NBAS: variants seen among roughly 807,000 people sequenced by gnomAD.
The protein encoded by NBAS is NBAS subunit of NRZ tethering complex, also known as NAG/BC035112 fusion.
A neutral mutation model predicts 302.5 loss-of-function variants in NBAS; 219 were observed. The observed-to-expected ratio is 0.72, with a 90% CI of 0.65 to 0.81. The LOEUF is 0.81. Ranked by LOEUF, NBAS falls within the 30% of genes least tolerant of loss-of-function variation. NBAS has a pLI of 0.00. For missense variants in NBAS, 2,932 were observed against 2,841.6 expected (o/e 1.03, Z -0.72); for synonymous variants, 1,118 against 1,021.6 (o/e 1.09, Z -1.80).
chr2:15,143,009 G>T, the NBAS span, among the ~76,000 whole-genome samples: 1 of 152,162 alleles, frequency 6.6e-6, no homozygotes, highest in African/African-American at 2.4e-5. Context: ...AAACAAACTG[G>T]TCCGTGCAGT....
the NBAS span, among the ~76,000 whole-genome samples, chr2:15,085,712 T>C: frequency 6.6e-6 from 1 of 152,160 alleles, no homozygotes; most frequent in African/African-American, 2.4e-5. Flanking sequence ...CCCATGCTCT[T>C]GTATGCTCAG....
the NBAS span, among the ~76,000 whole-genome samples, chr2:15,024,693 T>A: frequency 6.6e-6 from 1 of 152,214 alleles, no homozygotes; most frequent in Non-Finnish European, 1.5e-5. Context: ...CTCATTGTGT[T>A]TGATTTGCAT....
At chr2:14,855,063 T>C in the NBAS span, among the ~76,000 whole-genome samples, 3 of 151,990 alleles carry the variant, frequency 2.0e-5, no homozygotes, top group African/African-American at 7.3e-5. Flanking sequence ...AACTTTGTCT[T>C]GTATCCAGGA....
Position 15,561,271 on chromosome 2 carries a change from G to C in NBAS, c.34C>G (p.Pro12Ala), listed in dbSNP as rs139921229. The C allele has an allele frequency of 1.2e-6, 2 of 1,613,682 alleles. No homozygotes were observed. Among genetic ancestry groups the C allele is most frequent in the Non-Finnish European group, 1.7e-6 (2 of 1,180,044 alleles). ...AAPESGPALS[P>A]GTAEGEEETI... ...TCCTCCTCACCCTCTGCAGTGCCTG[G>C]ACTCAAAGCCGGCCCTGACTCGGGG... Residue 12 changes from proline (P) to alanine (A), a missense_variant, in exon 1 of 52, where the codon CCA becomes GCA. Coordinates refer to ENST00000281513, the MANE Select transcript of NBAS (RefSeq NM_015909.4).
chr2:15,057,215 C>G, the NBAS span, among the ~76,000 whole-genome samples: 11,051 of 151,224 alleles, frequency 0.073, 504 homozygotes, highest in East Asian at 0.21. Flanking sequence ...GGCAGCCTTA[C>G]AGAAACAGCT....
intron 23 of NBAS, among the ~76,000 whole-genome samples, chr2:15,422,627 G>A (rs553323884): frequency 6.6e-6 from 1 of 151,058 alleles, no homozygotes; most frequent in South Asian, 2.1e-4. Flanking sequence ...ACTGAATAAT[G>A]TTTGAAATTT....
intron 19 of NBAS, among the ~76,000 whole-genome samples, chr2:15,464,874 T>C (rs1679655313): frequency 6.6e-6 from 1 of 152,326 alleles, no homozygotes; most frequent in East Asian, 1.9e-4. Context: ...CTAGCTTACT[T>C]ACTCAACAGC....
At chr2:15,383,690 G>C (rs527610376) in intron 28 of NBAS, among the ~76,000 whole-genome samples, 24 of 152,346 alleles carry the variant, frequency 1.6e-4, no homozygotes, top group Middle Eastern at 3.4e-3. Context: ...GATGACAGAG[G>C]TTGGTTTCAA....
chr2:15,304,611 G>A (rs1054199525), intron 40 of NBAS, among the ~76,000 whole-genome samples: 11 of 152,220 alleles, frequency 7.2e-5, no homozygotes, highest in African/African-American at 2.2e-4. Context: ...CCAAAATGCT[G>A]ATAGTGATAC....
At chr2:15,175,094 G>A (rs897943694) in intron 51 of NBAS, among the ~76,000 whole-genome samples, 1 of 152,090 alleles carries the variant, frequency 6.6e-6, no homozygotes, top group Non-Finnish European at 1.5e-5. Context: ...AGACTCCCGA[G>A]TAGCTGGGAC....
chr2:14,957,896 A>G, the NBAS span, among the ~76,000 whole-genome samples: 10 of 152,220 alleles, frequency 6.6e-5, no homozygotes, highest in South Asian at 2.1e-3. Context: ...GCATAGCAAC[A>G]TTTGGGGACA....
At chr2:15,036,847 T>G in the NBAS span, among the ~76,000 whole-genome samples, 121,522 of 151,590 alleles carry the variant, frequency 0.8, 49,223 homozygotes, top group East Asian at 1. Context: ...AGCACACAGC[T>G]GGCAGATGTA....
the NBAS span, among the ~76,000 whole-genome samples, chr2:15,080,253 G>A: frequency 2.0e-4 from 30 of 152,124 alleles, no homozygotes; most frequent in Admixed American, 3.9e-4. Flanking sequence ...ATGGTCAATT[G>A]TGCCCCTTTA....
chr2:15,100,773 AG>A, the NBAS span, among the ~76,000 whole-genome samples: 803 of 152,360 alleles, frequency 5.3e-3, 8 homozygotes, highest in African/African-American at 0.019. Flanking sequence ...TGTATCGAAG[AG>A]CATTTTTAAA....
the NBAS span, among the ~76,000 whole-genome samples, chr2:14,849,519 C>G: frequency 6.6e-6 from 1 of 151,608 alleles, no homozygotes; most frequent in Non-Finnish European, 1.5e-5. Flanking sequence ...GGATATTATC[C>G]AGGAGAACTT....
chr2:15,098,375 T>TGTATACTATATATC, the NBAS span, among the ~76,000 whole-genome samples: 29 of 8,718 alleles, frequency 3.3e-3, 10 homozygotes, highest in African/African-American at 0.012. Context: ...TATAATATAT[T>TGTATACTATATATC]ATATATGATA....
At chr2:15,229,253 A>C (rs561574548) in intron 47 of NBAS, among the ~76,000 whole-genome samples, 1 of 150,346 alleles carries the variant, frequency 6.7e-6, no homozygotes, top group African/African-American at 2.4e-5. Context: ...GAGGCAGGAG[A>C]ATCACTTGAA....
intron 41 of NBAS, among the ~76,000 whole-genome samples, chr2:15,291,889 G>A (rs933821985): frequency 6.6e-6 from 1 of 151,966 alleles, no homozygotes; most frequent in Non-Finnish European, 1.5e-5. Context: ...CTCTAACATG[G>A]TCATAATCTT....
chr2:15,485,714 T>C (rs746725652), intron 12 of NBAS, among the ~76,000 whole-genome samples: 2 of 152,184 alleles, frequency 1.3e-5, no homozygotes, highest in Non-Finnish European at 2.9e-5. Context: ...AGAGTGTCTG[T>C]GAAGAGGTTG....
Sources: gnomAD v4.1 joint callset for allele counts (sites outside exome capture counted in the v4.1 genomes callset) on GRCh38, gnomAD v4.1.1 for gene constraint, MANE v1.5 for transcripts, NCBI Gene and HGNC (gene_info 2026-07-23, HGNC 2026-07-21) for gene names.